The following FGF13 variants were observed in gnomAD, a reference collection of about 807,000 sequenced individuals.
FGF13 encodes fibroblast growth factor homologous factor 2.
FGF13 carries 2 observed loss-of-function variants against 19.5 expected under a neutral mutation model. The observed-to-expected ratio is 0.10, with a 90% CI of 0.04 to 0.32. FGF13 has a LOEUF of 0.32. Ranked by LOEUF, FGF13 falls within the 10% of genes least tolerant of loss-of-function variation. The pLI is 1.00. For synonymous variants in FGF13, 72 were observed against 76.9 expected, an observed-to-expected ratio of 0.94 and a Z score of 0.33; for missense variants, 113 against 192.7, an observed-to-expected ratio of 0.59 and a Z score of 2.45.
At chrX:138,772,634 G>T (rs1253052211) in intron 3 of FGF13, among the ~76,000 whole-genome samples, 1 of 111,392 alleles carries the variant, frequency 9.0e-6, no homozygotes, top group Non-Finnish European at 1.9e-5. Flanking sequence ...GGCAGAGGTT[G>T]TACGTTACTT....
intron 1 of FGF13, among the ~76,000 whole-genome samples, chrX:139,053,373 T>C (rs7888589): frequency 0.038 from 4,215 of 109,847 alleles, 210 homozygotes; most frequent in African/African-American, 0.13. Flanking sequence ...ACTAGCAGTG[T>C]AGAAGTGTTC....
intron 4 of FGF13, among the ~76,000 whole-genome samples, chrX:138,634,692 CAAT>C (rs1035566342): frequency 4.5e-5 from 5 of 112,328 alleles, no homozygotes; most frequent in Non-Finnish European, 9.4e-5. Flanking sequence ...ATTAAAACCA[CAAT>C]GAGATACCAC....
At chrX:138,739,562 CTTA>C (rs1449420668), upstream of FGF13, among the ~76,000 whole-genome samples, 3 of 111,462 alleles carry the variant, frequency 2.7e-5, no homozygotes, top group African/African-American at 9.8e-5. Flanking sequence ...TTTGCTTAAA[CTTA>C]TTATTTCCAA....
At chrX:138,641,838 T>A (rs1406369195) in intron 3 of FGF13, among the ~76,000 whole-genome samples, 1 of 112,003 alleles carries the variant, frequency 8.9e-6, no homozygotes, top group Non-Finnish European at 1.9e-5. Context: ...TAATTCACGA[T>A]AAACAGAATA....
intron 1 of FGF13, among the ~76,000 whole-genome samples, chrX:139,064,544 G>C (rs2092348869): frequency 9.1e-6 from 1 of 110,471 alleles, no homozygotes; most frequent in South Asian, 3.9e-4. Context: ...CCATAGAGCA[G>C]AGTTCTTTAT....
chrX:138,807,813 A>T (rs928610805), intron 3 of FGF13, among the ~76,000 whole-genome samples: 83 of 111,861 alleles, frequency 7.4e-4, no homozygotes, highest in Non-Finnish European at 1.4e-3. Flanking sequence ...GATAAAACAG[A>T]CTTTAAACCA....
In FGF13 at chrX:138,729,687, AAAACAAAC is replaced by A. The variant is rs756234277; in HGVS notation, c.28+9547_28+9554del. Among the ~76,000 whole-genome samples, 243 of 109,593 alleles carry A rather than the reference AAAACAAAC, an allele frequency of 2.2e-3. 1 individual carries two copies. The highest frequency in any genetic ancestry group is 3.9e-3 in the Non-Finnish European group (204 of 52,696). ...TCAGAGAATATCAAATAAGCCTAAT[AAAACAAAC>A]AAACAAACAAACAAACAAACAAAAA... On this transcript the variant is annotated intron_variant, in intron 1 of 4. Coordinates refer to the FGF13 transcript ENST00000305414.
At position 138,739,082 on chromosome X, in the gene FGF13, C is replaced by T. The variant is rs780584754; in HGVS notation, c.28+160G>A. On this transcript the variant is annotated intron_variant, in intron 1 of 4. Transcript: ENST00000305414. ...AATCCATTCTTAACGTCAAACATCC[C>T]GGAGTAAAGGGAATCAAGAACCCCT... Among the ~76,000 whole-genome samples, 18 of 110,785 alleles carry T rather than the reference C, an allele frequency of 1.6e-4. No homozygotes were observed. The South Asian group carries it at 5.4e-3, about 33-fold the overall frequency.
At chrX:139,135,324 C>T (rs1017419209) in intron 1 of FGF13, among the ~76,000 whole-genome samples, 1 of 111,737 alleles carries the variant, frequency 8.9e-6, no homozygotes, top group Non-Finnish European at 1.9e-5. Flanking sequence ...TGATCCTCAC[C>T]TGTTTAGCTC....
At chrX:139,143,580 T>A (rs140127307) in intron 1 of FGF13, among the ~76,000 whole-genome samples, 296 of 112,278 alleles carry the variant, frequency 2.6e-3, no homozygotes, top group Non-Finnish European at 4.6e-3. Flanking sequence ...TTGTCTGTCT[T>A]CCCCACGCTG....
intron 1 of FGF13, among the ~76,000 whole-genome samples, chrX:139,066,693 A>G (rs2092357769): frequency 9.0e-6 from 1 of 111,314 alleles, no homozygotes; most frequent in African/African-American, 3.3e-5. Flanking sequence ...ATTCTACCAG[A>G]GGTACAAAAA....
At chrX:138,677,647 T>A (rs763783640) in intron 3 of FGF13, among the ~76,000 whole-genome samples, 1 of 111,257 alleles carries the variant, frequency 9.0e-6, no homozygotes, top group South Asian at 3.9e-4. Context: ...CCACACCAGT[T>A]AGAATGGCAA....
rs142180403 is a variant in FGF13, at chrX:138,796,088, T to C, written c.217+61424A>G. Among the ~76,000 whole-genome samples the C allele has an allele frequency of 8.5e-3, 939 of 110,906 alleles. 16 individuals are homozygous for C. Among genetic ancestry groups the C allele is most frequent in the African/African-American group, 0.029 (895 of 30,468 alleles). ...TTTAATTTTACTTTAAGTTCTGGGA[T>C]ACATGTGCTGAACATGCAGGTTTGT... On this transcript the variant is annotated intron_variant, in intron 3 of 6. Coordinates refer to the FGF13 transcript ENST00000436198.
At chrX:138,744,847 G>A (rs769566873) in intron 3 of FGF13, among the ~76,000 whole-genome samples, 2 of 111,691 alleles carry the variant, frequency 1.8e-5, no homozygotes, top group Non-Finnish European at 3.8e-5. Context: ...GGTAGAAACT[G>A]GAGATGAGAT....
intron 1 of FGF13, among the ~76,000 whole-genome samples, chrX:138,868,496 T>C (rs959605721): frequency 9.0e-6 from 1 of 111,435 alleles, no homozygotes; most frequent in Non-Finnish European, 1.9e-5. Flanking sequence ...TAGTTACTCA[T>C]ATAAACTTTC....
At chrX:138,673,858 T>C (rs1405742392) in intron 3 of FGF13, among the ~76,000 whole-genome samples, 2 of 110,560 alleles carry the variant, frequency 1.8e-5, no homozygotes, top group Non-Finnish European at 3.8e-5. Context: ...AAAGGATCCA[T>C]AGTAACAAAG....
At chrX:138,712,523 C>A (rs914653078), upstream of FGF13, among the ~76,000 whole-genome samples, 79 of 111,479 alleles carry the variant, frequency 7.1e-4, no homozygotes, top group African/African-American at 2.4e-3. Context: ...AATTCAGGAA[C>A]CAGTCTGGCT....
intron 3 of FGF13, among the ~76,000 whole-genome samples, chrX:138,807,981 C>G (rs1204556433): frequency 9.0e-6 from 1 of 111,491 alleles, no homozygotes; most frequent in Admixed American, 9.5e-5. Context: ...GACTCCCACA[C>G]AATGACAAAG....
chrX:138,851,192 G>C (rs1197554679), intron 3 of FGF13, among the ~76,000 whole-genome samples: 2 of 111,995 alleles, frequency 1.8e-5, no homozygotes, highest in Admixed American at 1.9e-4. Context: ...TAGTGCTGCA[G>C]TGAACATATG....
Sources: allele counts gnomAD v4.1 joint callset (sites outside exome capture counted in the v4.1 genomes callset), GRCh38; gene constraint gnomAD v4.1.1; transcripts MANE v1.5; gene names NCBI Gene and HGNC (gene_info 2026-07-23, HGNC 2026-07-21).